Variants in TRPM3 observed in about 807,000 individuals in gnomAD.
TRPM3 encodes transient receptor potential cation channel subfamily M member 3.
In TRPM3, 77 loss-of-function variants were observed where a neutral mutation model predicts 181.2. The ratio of observed to expected loss-of-function variants is 0.42; its 90% CI spans 0.35 to 0.51. The LOEUF (loss-of-function observed/expected upper bound fraction) is 0.51. TRPM3 is among the 20% of genes least tolerant of loss of function. The probability of loss-of-function intolerance (pLI) is 0.01; values close to 1 mark genes in which losing one functional copy is unlikely to be tolerated. For synonymous variants in TRPM3, 745 were observed against 796.4 expected, an observed-to-expected ratio of 0.94 and a Z score of 1.09; for missense variants, 1,759 against 2,196.7, an observed-to-expected ratio of 0.80 and a Z score of 3.98.
At chr9:71,196,663 C>T (rs1222976320) in intron 1 of TRPM3, among the ~76,000 whole-genome samples, 1 of 151,940 alleles carries the variant, frequency 6.6e-6, no homozygotes, top group East Asian at 1.9e-4. Flanking sequence ...CAGGTAAATT[C>T]CTGTTAAACT....
At chr9:71,041,544 G>A (rs1565051356) in intron 1 of TRPM3, among the ~76,000 whole-genome samples, 1 of 152,022 alleles carries the variant, frequency 6.6e-6, no homozygotes, top group African/African-American at 2.4e-5. Flanking sequence ...CCATTTGATG[G>A]TTTCTTGGCA....
chr9:71,169,765 G>A (rs2076747099), intron 1 of TRPM3, among the ~76,000 whole-genome samples: 2 of 151,778 alleles, frequency 1.3e-5, no homozygotes, highest in Non-Finnish European at 2.9e-5. Context: ...GACCAGCCTG[G>A]CCAACATGGC....
At chr9:70,922,724 G>C (rs1352258228) in intron 1 of TRPM3, among the ~76,000 whole-genome samples, 2 of 152,110 alleles carry the variant, frequency 1.3e-5, no homozygotes, top group African/African-American at 4.8e-5. Context: ...TCATTTCAAA[G>C]AATTGGAAAG....
chr9:71,197,515 C>G (rs1274041073), intron 1 of TRPM3, among the ~76,000 whole-genome samples: 1 of 151,894 alleles, frequency 6.6e-6, no homozygotes, highest in African/African-American at 2.4e-5. Flanking sequence ...TATTTCTCCA[C>G]ATCCTCTCCA....
chr9:70,541,169 G>A (rs1315843849), intron 25 of TRPM3, among the ~76,000 whole-genome samples: 2 of 152,144 alleles, frequency 1.3e-5, no homozygotes, highest in Non-Finnish European at 2.9e-5. Flanking sequence ...AAGGTACATG[G>A]TGAGAGCCCC....
upstream of TRPM3, among the ~76,000 whole-genome samples, chr9:71,123,564 G>C (rs1187651685): frequency 1.3e-5 from 2 of 152,186 alleles, no homozygotes; most frequent in African/African-American, 4.8e-5. Flanking sequence ...TGAGCTGGAA[G>C]CCCACTGACA....
At chr9:71,018,350 A>G (rs78444319) in intron 1 of TRPM3, among the ~76,000 whole-genome samples, 9,271 of 151,836 alleles carry the variant, frequency 0.061, 411 homozygotes, top group Admixed American at 0.14. Flanking sequence ...AATGAAATAA[A>G]CAAATAGACA....
chr9:70,688,232 A>ACAT (rs2067497292), intron 8 of TRPM3, among the ~76,000 whole-genome samples: 2 of 152,128 alleles, frequency 1.3e-5, no homozygotes, highest in Non-Finnish European at 2.9e-5. Context: ...ATTCCCTATG[A>ACAT]CATAAAGCTA....
intron 22 of TRPM3, among the ~76,000 whole-genome samples, chr9:70,570,231 GT>G (rs35979004): frequency 0.6 from 86,288 of 142,656 alleles, 26,369 homozygotes; most frequent in East Asian, 0.83. Flanking sequence ...TTCAGATTTG[GT>G]TTTTTTTTTT....
chr9:71,250,312 G>T (rs1347051826), intron 1 of TRPM3, among the ~76,000 whole-genome samples: 1 of 151,984 alleles, frequency 6.6e-6, no homozygotes, highest in African/African-American at 2.4e-5. Flanking sequence ...TATTGTTATT[G>T]TTCTCATTTT....
chr9:71,287,559 G>C (rs1369673796), intron 1 of TRPM3, among the ~76,000 whole-genome samples: 1 of 151,126 alleles, frequency 6.6e-6, no homozygotes, highest in African/African-American at 2.4e-5. Flanking sequence ...ACAGAAGAAG[G>C]CCTTCAAAAT....
intron 1 of TRPM3, among the ~76,000 whole-genome samples, chr9:71,016,820 T>C (rs1338724055): frequency 6.6e-6 from 1 of 152,180 alleles, no homozygotes. Flanking sequence ...GAACACGTTC[T>C]GTTTTCTACA....
intron 1 of TRPM3, among the ~76,000 whole-genome samples, chr9:71,383,732 C>T (rs1475233171): frequency 6.6e-6 from 1 of 152,188 alleles, no homozygotes; most frequent in African/African-American, 2.4e-5. Flanking sequence ...ACACATCAAT[C>T]TTACCAAGCA....
chr9:70,586,866 A>G (rs530907188), intron 22 of TRPM3, among the ~76,000 whole-genome samples: 19 of 152,314 alleles, frequency 1.2e-4, no homozygotes, highest in African/African-American at 4.3e-4. Flanking sequence ...TCCACATGGG[A>G]AGTGAGGAAC....
intron 1 of TRPM3, among the ~76,000 whole-genome samples, chr9:70,979,908 A>G (rs1433617093): frequency 1.3e-5 from 2 of 151,910 alleles, no homozygotes; most frequent in African/African-American, 4.8e-5. Flanking sequence ...ACACAGTCCT[A>G]TGGGATTAGG....
intron 21 of TRPM3, among the ~76,000 whole-genome samples, chr9:70,594,093 C>T (rs1429176765): frequency 7.3e-6 from 1 of 137,384 alleles, no homozygotes. Flanking sequence ...AAAATAATTA[C>T]AAAAACAAAA....
intron 1 of TRPM3, among the ~76,000 whole-genome samples, chr9:70,949,606 G>A (rs887230063): frequency 4.0e-5 from 6 of 150,872 alleles, no homozygotes; most frequent in Non-Finnish European, 7.4e-5. Flanking sequence ...ATCATAACTC[G>A]TCATTTGCCA....
intron 1 of TRPM3, among the ~76,000 whole-genome samples, chr9:71,075,961 C>T (rs969627891): frequency 1.3e-5 from 2 of 152,162 alleles, no homozygotes; most frequent in African/African-American, 4.8e-5. Flanking sequence ...AAGGACCAAA[C>T]TTTAGTCCCA....
At chr9:71,184,727 TTCTCCTTATGCTCACTTCCATC>T (rs2077581165) in intron 1 of TRPM3, among the ~76,000 whole-genome samples, 1 of 152,110 alleles carries the variant, frequency 6.6e-6, no homozygotes, top group Non-Finnish European at 1.5e-5. Context: ...CCCCATTTTT[TTCTCCTTATGCTCACTTCCATC>T]TCTGACCCAT....
Sources: allele counts gnomAD v4.1 joint callset (sites outside exome capture counted in the v4.1 genomes callset), GRCh38; gene constraint gnomAD v4.1.1; transcripts MANE v1.5; gene names NCBI Gene and HGNC (gene_info 2026-07-23, HGNC 2026-07-21).